COL9A1: variants seen among roughly 807,000 people sequenced by gnomAD.
COL9A1 encodes the protein collagen alpha-1(IX) chain.
COL9A1 carries 104 observed loss-of-function variants against 142.6 expected under a neutral mutation model. The ratio of observed to expected loss-of-function variants is 0.73; its 90% CI spans 0.62 to 0.86. COL9A1 has a LOEUF of 0.86. Ranked by LOEUF, COL9A1 falls within the 40% of genes least tolerant of loss-of-function variation. COL9A1 has a pLI of 0.00. For synonymous variants in COL9A1, 466 were observed against 396.0 expected (o/e 1.18, Z -2.10); for missense variants, 1,210 against 1,176.6 (o/e 1.03, Z -0.42).
rs776283719 is a variant in COL9A1, at chr6:70,294,209, A to T, written c.654T>A (p.Ala218=). The T allele has an allele frequency of 9.9e-6, 16 of 1,614,108 alleles. No individual in the cohort carries two copies. The highest frequency in any genetic ancestry group is 1.4e-5 in the Non-Finnish European group (16 of 1,179,954). The change falls in exon 5 of 38, where the codon GCT becomes GCA. Residue 218 remains alanine, a synonymous_variant. Coordinates refer to ENST00000357250, the MANE Select transcript of COL9A1 (RefSeq NM_001851.6). ...GATTATCTGCAAGTTTTCCCAGCAC[A>T]GCAAAGCCATCAATGTCAATTGGGC... ...PRGPIDIDGF[A]VLGKLADNPQ...
At position 70,240,585 on chromosome 6, in the gene COL9A1, A is replaced by G. The variant is rs1005536930; in HGVS notation, c.2079+104T>C. 9 of 610,732 alleles carry G rather than the reference A, an allele frequency of 1.5e-5. No homozygotes were observed. In the African/African-American group the frequency reaches 1.5e-4, roughly 10 times the overall value. 37.8% of individuals were successfully genotyped at this position (610,732 alleles called of 1,614,324 possible). Reference sequence around the variant, plus strand: ...CAGTGTCCAGAAAATAAGAATATATATATATATATACCAATTTTGAACTGT... The same window carrying G: ...CAGTGTCCAGAAAATAAGAATATATGTATATATATACCAATTTTGAACTGT... On this transcript the variant is annotated intron_variant, in intron 32 of 37. Coordinates refer to ENST00000357250, the MANE Select transcript of COL9A1 (RefSeq NM_001851.6).
chr6:70,282,385 C>G (rs1012051937), intron 7 of COL9A1, among the ~76,000 whole-genome samples: 3 of 152,344 alleles, frequency 2.0e-5, no homozygotes, highest in East Asian at 3.9e-4. Flanking sequence ...GGCGCTGGAG[C>G]CTTTGGGAAA....
At chr6:70,232,466 C>T in intron 36 of COL9A1, 117 bp downstream of exon 36, 1 of 1,145,592 alleles carries the variant, frequency 8.7e-7, no homozygotes, top group Admixed American at 1.7e-5. Context: ...GAGAATAATA[C>T]ATCTTATCTC....
intron 28 of COL9A1, among the ~76,000 whole-genome samples, chr6:70,251,393 A>G (rs548501): frequency 6.6e-6 from 1 of 152,054 alleles, no homozygotes; most frequent in African/African-American, 2.4e-5. Flanking sequence ...AAAAAAAATT[A>G]AAAGTTAGCC....
intron 29 of COL9A1, 107 bp from the exon 30 acceptor site, chr6:70,242,142 C>T (rs1770298242): frequency 3.1e-6 from 3 of 970,196 alleles, no homozygotes; most frequent in South Asian, 1.4e-5. Flanking sequence ...AATAAACGTG[C>T]TGTGGTTGGT....
At chr6:70,283,015 A>G in intron 6 of COL9A1, 97 bp from the exon 7 acceptor site, 4 of 1,612,244 alleles carry the variant, frequency 2.5e-6, no homozygotes, top group Non-Finnish European at 3.4e-6. Flanking sequence ...CAACAGCAGC[A>G]GCCCCAGGGC....
intron 28 of COL9A1, among the ~76,000 whole-genome samples, chr6:70,245,431 C>T (rs1460196033): frequency 1.3e-5 from 2 of 152,142 alleles, no homozygotes; most frequent in South Asian, 2.1e-4. Flanking sequence ...CAGGCGTAAA[C>T]GGGTTACCCA....
chr6:70,276,970 C>T (rs1023016956), intron 10 of COL9A1, among the ~76,000 whole-genome samples: 28 of 152,150 alleles, frequency 1.8e-4, no homozygotes, highest in Admixed American at 1.4e-3. Flanking sequence ...CATCACATTT[C>T]TTCAATGCCT....
At chr6:70,236,705 A>C (rs1034256245) in intron 33 of COL9A1, among the ~76,000 whole-genome samples, 1 of 152,242 alleles carries the variant, frequency 6.6e-6, no homozygotes, top group African/African-American at 2.4e-5. Context: ...AATTGCTTCT[A>C]TGAAGAAATT....
rs754151498 is a variant in COL9A1 at position 70,274,697 on chromosome 6, TAATG to T, written c.1029+18_1029+21del. 2 of 1,598,552 alleles carry T rather than the reference TAATG, an allele frequency of 1.3e-6. No individual in the cohort carries two copies. Among genetic ancestry groups the T allele is most frequent in the Non-Finnish European group, 8.6e-7 (1 of 1,166,432 alleles). ...ACTTCAGCATTTTCGTACTAGCAAT[TAATG>T]CCAGATGGCTAACTTACTTTTTGTC... On this transcript the variant is annotated intron_variant, in intron 11 of 37. Transcript: ENST00000357250.
chr6:70,281,359 G>T, intron 8 of COL9A1, 31 bp downstream of exon 8: 1 of 1,605,980 alleles, frequency 6.2e-7, no homozygotes, highest in Non-Finnish European at 8.5e-7. Flanking sequence ...CAGGACTGGG[G>T]AACAGAGGTG....
chr6:70,295,281 C>CTTTTTTTTTTTTTTTTTTT (rs1171549562), intron 4 of COL9A1, among the ~76,000 whole-genome samples: 1 of 63,166 alleles, frequency 1.6e-5, no homozygotes, highest in Non-Finnish European at 2.8e-5. Flanking sequence ...GTTGTTGCTT[C>CTTTTTTTTTTTTTTTTTTT]TTTTTTTTTT....
chr6:70,253,208 C>A, intron 26 of COL9A1, 177 bp downstream of exon 26: 1 of 519,132 alleles, frequency 1.9e-6, no homozygotes, highest in Non-Finnish European at 3.5e-6. Flanking sequence ...TCAAAGTATG[C>A]TTTCTGTAGC....
chr6:70,272,793 C>A (rs1772492488), intron 12 of COL9A1, among the ~76,000 whole-genome samples: 1 of 152,086 alleles, frequency 6.6e-6, no homozygotes, highest in Non-Finnish European at 1.5e-5. Flanking sequence ...TCTTCCTAGC[C>A]CCAACTCCTA....
Position 70,294,343 on chromosome 6 carries a change from A to G in COL9A1, c.520T>C (p.Ser174Pro). ...LQTAAFSNLSSLFDSQWHKIM... is the reference protein window; with the variant it reads ...LQTAAFSNLSPLFDSQWHKIM... ...TTATGCCACTGGGAATCAAACAAGG[A>G]GGACAAATTCGAAAAGGCTGCTGTT... is the stretch of plus-strand genomic sequence containing the variant. Residue 174 changes from serine (S) to proline (P), a missense_variant, in exon 5 of 38, where the codon TCC becomes CCC. Transcript: ENST00000357250. 1 of 1,614,060 alleles carries G rather than the reference A, an allele frequency of 6.2e-7. No homozygotes were observed. Among genetic ancestry groups the G allele is most frequent in the Non-Finnish European group, 8.5e-7 (1 of 1,179,964 alleles).
Position 70,283,607 on chromosome 6 carries a change from A to C in COL9A1, c.780+130T>G, listed in dbSNP as rs138829988. 1.1e-4 allele frequency: 88 copies of C among 775,936 alleles called. No homozygotes were observed. In the African/African-American group the frequency reaches 1.3e-3, roughly 11 times the overall value. 48.1% of individuals were successfully genotyped at this position (775,936 alleles called of 1,614,324 possible). A position where few individuals can be genotyped will look rare whatever the true frequency, so the allele number is the denominator to read the frequency against. ...TAATATTTCTCTAGTCAGTACAGCA[A>C]AGCACAGGCTCTCTTAGCGAAAGAG... is the stretch of plus-strand genomic sequence containing the variant. On this transcript the variant is annotated intron_variant, in intron 6 of 37. Transcript: ENST00000357250.
At chr6:70,287,254 G>A (rs969572953) in intron 5 of COL9A1, among the ~76,000 whole-genome samples, 8 of 152,104 alleles carry the variant, frequency 5.3e-5, no homozygotes, top group Non-Finnish European at 1.0e-4. Context: ...AATTTGCTGG[G>A]GCAGAGTAGA....
chr6:70,279,400 G>C (rs1009663205), intron 10 of COL9A1: 8 of 152,250 alleles, frequency 5.3e-5, no homozygotes, highest in African/African-American at 4.8e-5. Flanking sequence ...TGCATACACA[G>C]AAAGTTCAAA....
chr6:70,301,559 A>G (rs1774065183), intron 2 of COL9A1, among the ~76,000 whole-genome samples: 1 of 152,242 alleles, frequency 6.6e-6, no homozygotes, highest in South Asian at 2.1e-4. Flanking sequence ...CCTAGGTGAC[A>G]GAGTGAGACT....
Sources: gnomAD v4.1 joint callset for allele counts (sites outside exome capture counted in the v4.1 genomes callset) on GRCh38, gnomAD v4.1.1 for gene constraint, MANE v1.5 for transcripts, NCBI Gene and HGNC (gene_info 2026-07-23, HGNC 2026-07-21) for gene names.